Variants in ERI1 observed in about 807,000 individuals in gnomAD.
ERI1 encodes the protein exoribonuclease 1.
ERI1 carries 39 observed loss-of-function variants against 39.7 expected under a neutral mutation model. The ratio of observed to expected loss-of-function variants is 0.98; its 90% CI spans 0.76 to 1.28. ERI1 has a LOEUF of 1.28. Among genes scored for constraint, ERI1 ranks in the 50% most tolerant of loss-of-function variants. The pLI is 0.00. For missense variants in ERI1, 581 were observed against 416.9 expected, an observed-to-expected ratio of 1.39 and a Z score of -3.43; for synonymous variants, 204 against 149.6, an observed-to-expected ratio of 1.36 and a Z score of -2.65.
At chr8:9,029,641 A>G (rs1044370762) in intron 6 of ERI1, 151 bp from the exon 7 acceptor site, 24 of 959,790 alleles carry the variant, frequency 2.5e-5, no homozygotes, top group South Asian at 6.9e-5. Flanking sequence ...TGAATTTTTT[A>G]TTTGCCTTAT....
chr8:9,073,754 T>C (rs1169089851), intron 3 of ERI1, among the ~76,000 whole-genome samples: 1 of 152,170 alleles, frequency 6.6e-6, no homozygotes, highest in Non-Finnish European at 1.5e-5. Flanking sequence ...GCTTAAACTA[T>C]TTCAATTAAT....
At chr8:9,084,427 C>A (rs1296335467) in intron 3 of ERI1, among the ~76,000 whole-genome samples, 1 of 152,160 alleles carries the variant, frequency 6.6e-6, no homozygotes, top group Non-Finnish European at 1.5e-5. Flanking sequence ...CAGTGGCTGC[C>A]CTAAACCTGA....
intron 3 of ERI1, among the ~76,000 whole-genome samples, chr8:9,012,444 C>G (rs969950952): frequency 6.6e-6 from 1 of 152,172 alleles, no homozygotes; most frequent in Non-Finnish European, 1.5e-5. Flanking sequence ...TCTGTGATAT[C>G]CTCAGTTGCT....
At chr8:9,040,732 G>T (rs117787291) in intron 3 of ERI1, among the ~76,000 whole-genome samples, 60,619 of 149,650 alleles carry the variant, frequency 0.41, 12,421 homozygotes, top group African/African-American at 0.47. Context: ...GTGTGTGTGG[G>T]GGGGGGGTGT....
chr8:9,099,435 A>G (rs1799980413), intron 3 of ERI1, among the ~76,000 whole-genome samples: 1 of 150,724 alleles, frequency 6.6e-6, no homozygotes, highest in Admixed American at 6.6e-5. Context: ...GTTTCTACAA[A>G]AAATAAAAAA....
chr8:9,071,488 T>G (rs557732490), intron 3 of ERI1, among the ~76,000 whole-genome samples: 1 of 152,296 alleles, frequency 6.6e-6, no homozygotes, highest in East Asian at 1.9e-4. Context: ...CCAAGAAATA[T>G]AAGTCTTGTA....
At chr8:9,009,862 A>C (rs1401086088) in intron 2 of ERI1, among the ~76,000 whole-genome samples, 1 of 152,238 alleles carries the variant, frequency 6.6e-6, no homozygotes, top group East Asian at 1.9e-4. Flanking sequence ...TTTTGTCTGC[A>C]GTACACAGTA....
intron 3 of ERI1, among the ~76,000 whole-genome samples, chr8:9,082,302 GTT>G (rs1208797623): frequency 6.6e-6 from 1 of 152,168 alleles, no homozygotes; most frequent in East Asian, 1.9e-4. Flanking sequence ...GACTCATGGT[GTT>G]TTATCACTTC....
intron 3 of ERI1, among the ~76,000 whole-genome samples, chr8:9,085,884 G>T (rs529636729): frequency 6.6e-6 from 1 of 152,144 alleles, no homozygotes; most frequent in African/African-American, 2.4e-5. Flanking sequence ...GTTAATGGCA[G>T]TCTCCATGCT....
intron 3 of ERI1, among the ~76,000 whole-genome samples, chr8:9,040,024 G>A (rs1478759105): frequency 2.0e-5 from 3 of 152,094 alleles, no homozygotes; most frequent in African/African-American, 7.2e-5. Flanking sequence ...TGTTTTGACT[G>A]TCCAAGGGTA....
At chr8:9,056,341 G>T (rs972493251) in intron 3 of ERI1, among the ~76,000 whole-genome samples, 1 of 152,162 alleles carries the variant, frequency 6.6e-6, no homozygotes, top group Non-Finnish European at 1.5e-5. Flanking sequence ...TATCTGTTGG[G>T]GTAAGGGGTT....
At chr8:9,069,094 C>T (rs1343836027) in intron 3 of ERI1, among the ~76,000 whole-genome samples, 2 of 152,206 alleles carry the variant, frequency 1.3e-5, no homozygotes, top group African/African-American at 4.8e-5. Context: ...GCTGGGATTA[C>T]AGGCATGAGC....
At chr8:9,086,833 A>T (rs746981511) in intron 3 of ERI1, among the ~76,000 whole-genome samples, 2 of 152,230 alleles carry the variant, frequency 1.3e-5, no homozygotes, top group Non-Finnish European at 2.9e-5. Context: ...TGACTGAGCA[A>T]GAGTGTCAAA....
intron 3 of ERI1, among the ~76,000 whole-genome samples, chr8:9,092,646 G>A (rs1365181499): frequency 6.6e-6 from 1 of 152,208 alleles, no homozygotes; most frequent in Non-Finnish European, 1.5e-5. Flanking sequence ...GCTGAGAGCA[G>A]GAAGGAACCA....
At chr8:9,033,998 C>T (rs998009156), downstream of ERI1, among the ~76,000 whole-genome samples, 3 of 152,080 alleles carry the variant, frequency 2.0e-5, no homozygotes, top group African/African-American at 4.8e-5. Context: ...AAGGTTTTTT[C>T]GGAGATGGGG....
At chr8:9,049,250 C>T (rs924732355) in intron 3 of ERI1, among the ~76,000 whole-genome samples, 4 of 138,276 alleles carry the variant, frequency 2.9e-5, no homozygotes, top group Admixed American at 8.1e-5. Context: ...GCAGGAGAAT[C>T]GCTTGAACTG....
downstream of ERI1, among the ~76,000 whole-genome samples, chr8:9,035,441 T>G (rs1413732740): frequency 6.6e-6 from 1 of 152,186 alleles, no homozygotes; most frequent in Non-Finnish European, 1.5e-5. Context: ...AGGGCCCTTA[T>G]GCTAAATCTA....
intron 3 of ERI1, among the ~76,000 whole-genome samples, chr8:9,082,554 G>A (rs921935394): frequency 1.3e-5 from 2 of 152,180 alleles, no homozygotes; most frequent in African/African-American, 4.8e-5. Flanking sequence ...GCAACAGCAG[G>A]AATGATCTGT....
intron 6 of ERI1, among the ~76,000 whole-genome samples, chr8:9,026,855 C>T (rs1056020318): frequency 7.4e-6 from 1 of 136,034 alleles, no homozygotes; most frequent in South Asian, 2.2e-4. Flanking sequence ...ACCTGTACCA[C>T]GTTAAAAAAA....
Sources: gnomAD v4.1 joint callset for allele counts (sites outside exome capture counted in the v4.1 genomes callset) on GRCh38, gnomAD v4.1.1 for gene constraint, MANE v1.5 for transcripts, NCBI Gene and HGNC (gene_info 2026-07-23, HGNC 2026-07-21) for gene names.